The following PRKG1 variants were observed in gnomAD, a reference collection of about 807,000 sequenced individuals.
PRKG1 encodes protein kinase cGMP-dependent 1, also known as cGMP-dependent protein kinase 1.
Under a neutral mutation model 88.1 loss-of-function variants are expected in PRKG1, and 35 were observed. The observed-to-expected ratio is 0.40, with a 90% CI of 0.30 to 0.53. The LOEUF (loss-of-function observed/expected upper bound fraction) is 0.53, where lower values mean the gene tolerates loss of function less well. Ranked by LOEUF, PRKG1 falls within the 20% of genes least tolerant of loss-of-function variation. The pLI is 0.59. For missense variants in PRKG1, 540 were observed against 839.8 expected (o/e 0.64, Z 4.41); for synonymous variants, 303 against 292.5 (o/e 1.04, Z -0.37).
chr10:51,636,476 AAAC>A (rs1839658670), intron 3 of PRKG1, among the ~76,000 whole-genome samples: 4 of 152,232 alleles, frequency 2.6e-5, no homozygotes, highest in African/African-American at 9.6e-5. Context: ...GACCGATATT[AAAC>A]ATCTCCATGA....
chr10:52,080,917 G>A (rs889566582), intron 7 of PRKG1, among the ~76,000 whole-genome samples: 3 of 151,838 alleles, frequency 2.0e-5, no homozygotes, highest in South Asian at 4.2e-4. Flanking sequence ...TGATTCCCTG[G>A]CCTCAATTAG....
chr10:52,191,029 A>G (rs1839349054), intron 9 of PRKG1, among the ~76,000 whole-genome samples: 1 of 152,150 alleles, frequency 6.6e-6, no homozygotes, highest in Admixed American at 6.5e-5. Flanking sequence ...ATTTTCTCAA[A>G]CACCTCGCTT....
chr10:51,649,631 CA>C (rs776269652), intron 3 of PRKG1, among the ~76,000 whole-genome samples: 3 of 152,020 alleles, frequency 2.0e-5, no homozygotes, highest in Non-Finnish European at 4.4e-5. Context: ...AAGAATTGGA[CA>C]AAATGCTCAG....
chr10:51,078,288 G>T (rs1211904175), intron 1 of PRKG1, among the ~76,000 whole-genome samples: 1 of 151,316 alleles, frequency 6.6e-6, no homozygotes, highest in African/African-American at 2.4e-5. Flanking sequence ...GCACGATCTT[G>T]GCTCACTGTA....
At position 52,267,132 on chromosome 10, in the gene PRKG1, G is replaced by A. The variant is rs79516207; in HGVS notation, c.1174-4218G>A. On this transcript the variant is annotated intron_variant, in intron 10 of 17. Coordinates refer to ENST00000373980, the MANE Select transcript of PRKG1 (RefSeq NM_006258.4). ...ATTTAGACAACAGGAAAAATAAAAA[G>A]CAAACTAAATGTCACCTTACAATTC... 4.6e-5 allele frequency among the ~76,000 whole-genome samples: 7 copies of A among 152,016 alleles called. No homozygotes were observed. The South Asian group carries it at 1.5e-3, about 32-fold the overall frequency.
chr10:51,603,579 T>G (rs1838673336), intron 3 of PRKG1, among the ~76,000 whole-genome samples: 1 of 152,200 alleles, frequency 6.6e-6, no homozygotes, highest in South Asian at 2.1e-4. Flanking sequence ...CCTGAAAGCC[T>G]GGTTGGTGTC....
chr10:51,853,925 G>GT (rs915621953), intron 4 of PRKG1, among the ~76,000 whole-genome samples: 51 of 150,892 alleles, frequency 3.4e-4, no homozygotes, highest in East Asian at 1.2e-3. Context: ...TTTTCCAAGT[G>GT]TTTTTTTTTA....
chr10:51,049,600 A>T lies in PRKG1; in HGVS notation c.266+57956A>T, dbSNP rs541764868. Among the ~76,000 whole-genome samples, 11 of 152,284 alleles carry T rather than the reference A, an allele frequency of 7.2e-5. No individual in the cohort carries two copies. In the South Asian group the frequency reaches 1.9e-3, roughly 26 times the overall value. ...CACAGTTGCCTGCTAGGTTGATTTA[A>T]CTTTTAAGCTGAAAACAACCATATA... On this transcript the variant is annotated intron_variant, in intron 1 of 17. Coordinates refer to the PRKG1 transcript ENST00000401604.
At chr10:51,097,088 C>G (rs1024018890) in intron 1 of PRKG1, among the ~76,000 whole-genome samples, 1 of 152,124 alleles carries the variant, frequency 6.6e-6, no homozygotes, top group South Asian at 2.1e-4. Flanking sequence ...CAGTCTGTTC[C>G]CTGGTATCTT....
intron 5 of PRKG1, among the ~76,000 whole-genome samples, chr10:51,944,291 A>G (rs914280731): frequency 1.1e-4 from 17 of 152,012 alleles, no homozygotes; most frequent in Non-Finnish European, 1.6e-4. Flanking sequence ...CTGCGGGATC[A>G]GTGGTGATAT....
At chr10:50,999,849 T>C (rs1450129169) in intron 1 of PRKG1, among the ~76,000 whole-genome samples, 2 of 152,324 alleles carry the variant, frequency 1.3e-5, no homozygotes, top group Admixed American at 6.5e-5. Flanking sequence ...GTATCTCAGG[T>C]TGTAAACCCT....
At chr10:51,701,843 TG>T (rs1266399282) in intron 3 of PRKG1, among the ~76,000 whole-genome samples, 1 of 152,204 alleles carries the variant, frequency 6.6e-6, no homozygotes, top group African/African-American at 2.4e-5. Context: ...TCTAAACCAG[TG>T]GTCTTCACAT....
intron 2 of PRKG1, among the ~76,000 whole-genome samples, chr10:51,188,283 A>C (rs934197856): frequency 3.9e-5 from 6 of 152,040 alleles, no homozygotes; most frequent in African/African-American, 1.4e-4. Flanking sequence ...AGAATAGCAC[A>C]CGTGAGTAAC....
At chr10:51,210,789 C>G (rs1339406827) in intron 2 of PRKG1, among the ~76,000 whole-genome samples, 2 of 152,144 alleles carry the variant, frequency 1.3e-5, no homozygotes, top group Non-Finnish European at 2.9e-5. Flanking sequence ...TCTGAATAGA[C>G]CAATAACAGG....
At chr10:51,554,221 T>C (rs909770949) in intron 3 of PRKG1, among the ~76,000 whole-genome samples, 5 of 147,528 alleles carry the variant, frequency 3.4e-5, no homozygotes, top group Non-Finnish European at 7.5e-5. Context: ...ATGTATATTA[T>C]ATATGCATAT....
chr10:51,784,550 G>GA (rs953511871), intron 3 of PRKG1, among the ~76,000 whole-genome samples: 24 of 151,998 alleles, frequency 1.6e-4, no homozygotes, highest in Non-Finnish European at 3.1e-4. Flanking sequence ...ACTTGTTTAA[G>GA]AAAAAAATCA....
intron 3 of PRKG1, among the ~76,000 whole-genome samples, chr10:51,518,633 T>C (rs1381294269): frequency 1.3e-5 from 2 of 152,108 alleles, no homozygotes; most frequent in African/African-American, 4.8e-5. Flanking sequence ...CAGTGGGAGA[T>C]AATGAGGACC....
intron 5 of PRKG1, among the ~76,000 whole-genome samples, chr10:52,020,635 C>T (rs999509478): frequency 6.6e-6 from 1 of 152,064 alleles, no homozygotes; most frequent in African/African-American, 2.4e-5. Context: ...TGGGCTGGCC[C>T]CTTTCCCATG....
intron 2 of PRKG1, among the ~76,000 whole-genome samples, chr10:51,186,924 T>A (rs1837501500): frequency 6.8e-6 from 1 of 146,482 alleles, no homozygotes; most frequent in African/African-American, 2.5e-5. Flanking sequence ...TTCCTACTTC[T>A]GTTAAAAATG....
Sources: allele counts gnomAD v4.1 joint callset (sites outside exome capture counted in the v4.1 genomes callset), GRCh38; gene constraint gnomAD v4.1.1; transcripts MANE v1.5; gene names NCBI Gene and HGNC (gene_info 2026-07-23, HGNC 2026-07-21).